Variants in CLVS1 observed in about 807,000 individuals in gnomAD.
CLVS1 encodes the protein clavesin-1.
CLVS1 carries 10 observed loss-of-function variants against 33.1 expected under a neutral mutation model. That is an observed-to-expected ratio of 0.30 (90% confidence interval 0.19 to 0.51). The LOEUF (loss-of-function observed/expected upper bound fraction) is 0.51, where lower values mean the gene tolerates loss of function less well. CLVS1 is among the 20% of genes least tolerant of loss of function. The pLI is 0.97. For missense variants in CLVS1, 343 were observed against 433.4 expected (o/e 0.79, Z 1.85); for synonymous variants, 163 against 166.1 (o/e 0.98, Z 0.14).
chr8:61,100,460 A>T (rs1044956915), intron 1 of CLVS1, among the ~76,000 whole-genome samples: 3 of 152,184 alleles, frequency 2.0e-5, no homozygotes, highest in African/African-American at 7.2e-5. Context: ...TCCCCACAAA[A>T]GCTTTGAAGG....
chr8:61,014,359 C>A, the CLVS1 span, among the ~76,000 whole-genome samples: 39 of 152,282 alleles, frequency 2.6e-4, no homozygotes, highest in Admixed American at 2.2e-3. Context: ...CAAATGTAAT[C>A]GGAAGCCTGA....
chr8:61,052,434 G>A (rs556029392), upstream of CLVS1, among the ~76,000 whole-genome samples: 4 of 152,302 alleles, frequency 2.6e-5, no homozygotes, highest in East Asian at 7.7e-4. Flanking sequence ...GGGTTAGACA[G>A]GGAAATCAGA....
intron 1 of CLVS1, among the ~76,000 whole-genome samples, chr8:61,123,193 C>T (rs1385390767): frequency 7.7e-5 from 11 of 142,766 alleles, no homozygotes; most frequent in Non-Finnish European, 1.2e-4. Flanking sequence ...CACTTGAACT[C>T]GGGAGGCGGA....
At chr8:61,467,017 G>C (rs1477541657) in intron 5 of CLVS1, among the ~76,000 whole-genome samples, 1 of 152,190 alleles carries the variant, frequency 6.6e-6, no homozygotes, top group Non-Finnish European at 1.5e-5. Flanking sequence ...ACTGGTGAAG[G>C]ATGAGCCACT....
chr8:61,067,326 TTAAA>T (rs1804701144), intron 1 of CLVS1, among the ~76,000 whole-genome samples: 1 of 151,644 alleles, frequency 6.6e-6, no homozygotes, highest in Non-Finnish European at 1.5e-5. Context: ...CAAATATATA[TTAAA>T]TAAATGGTTG....
intron 2 of CLVS1, among the ~76,000 whole-genome samples, chr8:61,304,982 A>C (rs1407668476): frequency 6.6e-6 from 1 of 151,876 alleles, no homozygotes; most frequent in Non-Finnish European, 1.5e-5. Context: ...CAAACTCTGA[A>C]CCCCGATGGC....
At chr8:61,477,948 TTCCCTCTACACACTGCTTTGAATGTG>T (rs1300955090) in intron 5 of CLVS1, among the ~76,000 whole-genome samples, 2,764 of 152,292 alleles carry the variant, frequency 0.018, 77 homozygotes, top group African/African-American at 0.062. Flanking sequence ...TGCTATAAAT[TTCCCTCTACACACTGCTTTGAATGTG>T]TCCCTCTACA....
At chr8:60,997,560 A>T in the CLVS1 span, among the ~76,000 whole-genome samples, 10 of 152,210 alleles carry the variant, frequency 6.6e-5, no homozygotes, top group Non-Finnish European at 1.5e-4. Flanking sequence ...ATGGAGTCAA[A>T]TAGGGGGAGG....
At chr8:61,041,724 T>C in the CLVS1 span, among the ~76,000 whole-genome samples, 1 of 152,242 alleles carries the variant, frequency 6.6e-6, no homozygotes, top group Non-Finnish European at 1.5e-5. Flanking sequence ...TTTTGTATCC[T>C]GACACTTTAC....
At chr8:61,133,931 G>T (rs542819647) in intron 2 of CLVS1, among the ~76,000 whole-genome samples, 2 of 152,128 alleles carry the variant, frequency 1.3e-5, no homozygotes, top group Non-Finnish European at 2.9e-5. Context: ...CCAGGGTAAG[G>T]TATATAGGAG....
At chr8:61,402,849 G>A (rs1814822805) in intron 3 of CLVS1, among the ~76,000 whole-genome samples, 1 of 152,188 alleles carries the variant, frequency 6.6e-6, no homozygotes, top group Non-Finnish European at 1.5e-5. Context: ...GAATAAAAAA[G>A]ACCAAAATGT....
intron 2 of CLVS1, among the ~76,000 whole-genome samples, chr8:61,303,349 C>A (rs1269841440): frequency 1.3e-5 from 2 of 152,188 alleles, no homozygotes; most frequent in Non-Finnish European, 2.9e-5. Context: ...CTTCACCTCT[C>A]TATTTCTCAA....
intron 2 of CLVS1, among the ~76,000 whole-genome samples, chr8:61,231,272 A>T (rs1808426853): frequency 7.0e-6 from 1 of 141,924 alleles, no homozygotes; most frequent in African/African-American, 2.7e-5. Context: ...CCATGCATAT[A>T]GGCACCTGTG....
At chr8:61,091,579 T>C (rs370357268) in intron 1 of CLVS1, among the ~76,000 whole-genome samples, 7 of 152,330 alleles carry the variant, frequency 4.6e-5, no homozygotes, top group African/African-American at 1.7e-4. Context: ...TCTATTTTTT[T>C]CTCAAACAAA....
At chr8:61,241,578 G>A (rs1808698847) in intron 2 of CLVS1, among the ~76,000 whole-genome samples, 4 of 151,940 alleles carry the variant, frequency 2.6e-5, no homozygotes. Context: ...ATAAAAGTAG[G>A]CTTACAGGTT....
At chr8:61,234,036 T>C (rs1157489693) in intron 2 of CLVS1, among the ~76,000 whole-genome samples, 1 of 152,204 alleles carries the variant, frequency 6.6e-6, no homozygotes, top group African/African-American at 2.4e-5. Context: ...TGATACTCTT[T>C]TCTTCTTTCC....
chr8:61,052,122 T>A, the CLVS1 span, among the ~76,000 whole-genome samples: 23 of 152,178 alleles, frequency 1.5e-4, no homozygotes, highest in Non-Finnish European at 8.8e-5. Context: ...GGAGACAGAT[T>A]GGAAGACTGA....
intron 3 of CLVS1, among the ~76,000 whole-genome samples, chr8:61,384,352 A>G (rs1029623130): frequency 3.9e-5 from 6 of 152,328 alleles, no homozygotes; most frequent in Admixed American, 6.5e-5. Flanking sequence ...TTTGGTGGCT[A>G]TGAGCAGGGA....
intron 2 of CLVS1, chr8:61,264,999 G>A (rs1477544076): frequency 6.6e-6 from 1 of 152,160 alleles, no homozygotes; most frequent in African/African-American, 2.4e-5. Context: ...AGCTAGCTAG[G>A]TGCCTGGAGT....
Sources: gnomAD v4.1 joint callset for allele counts (sites outside exome capture counted in the v4.1 genomes callset) on GRCh38, gnomAD v4.1.1 for gene constraint, MANE v1.5 for transcripts, NCBI Gene and HGNC (gene_info 2026-07-23, HGNC 2026-07-21) for gene names.